Variants in CSMD2 observed in about 807,000 individuals in gnomAD.
The protein encoded by CSMD2 is CUB and Sushi multiple domains 2.
CSMD2 carries 130 observed loss-of-function variants against 398.5 expected under a neutral mutation model. The observed-to-expected ratio is 0.33, with a 90% CI of 0.28 to 0.38. The LOEUF (loss-of-function observed/expected upper bound fraction) is 0.38. Ranked by LOEUF, CSMD2 falls within the 10% of genes least tolerant of loss-of-function variation. The pLI, the probability that CSMD2 is intolerant of heterozygous loss-of-function variation, is 1.00. For missense variants in CSMD2, 3,829 were observed against 4,764.9 expected, an observed-to-expected ratio of 0.80 and a Z score of 5.78; for synonymous variants, 1,828 against 1,908.5, an observed-to-expected ratio of 0.96 and a Z score of 1.10.
At chr1:34,063,007 G>C in intron 2 of CSMD2, among the ~76,000 whole-genome samples, 2 of 152,238 alleles carry the variant, frequency 1.3e-5, no homozygotes, top group South Asian at 4.2e-4. Context: ...TAAAAGTGAG[G>C]AAGATGCAAA....
intron 1 of CSMD2, among the ~76,000 whole-genome samples, chr1:34,161,072 A>G (rs1245523949): frequency 2.0e-5 from 3 of 152,190 alleles, no homozygotes; most frequent in Non-Finnish European, 1.5e-5. Context: ...AGGATATGAA[A>G]CTGACAGAAT....
intron 1 of CSMD2, among the ~76,000 whole-genome samples, chr1:34,134,991 C>T (rs1638570245): frequency 6.6e-6 from 1 of 152,156 alleles, no homozygotes; most frequent in South Asian, 2.1e-4. Context: ...ATACTCAGAT[C>T]TCATCCCAAA....
intron 44 of CSMD2, chr1:33,592,638 T>A (rs546756990): frequency 1.5e-6 from 1 of 651,302 alleles, no homozygotes; most frequent in Non-Finnish European, 2.8e-6. Context: ...ACCTTCCTAA[T>A]TGGATAATCA....
intron 12 of CSMD2, among the ~76,000 whole-genome samples, chr1:33,782,431 A>G (rs1040650949): frequency 6.6e-6 from 1 of 152,186 alleles, no homozygotes; most frequent in Non-Finnish European, 1.5e-5. Context: ...GAGACCCTGG[A>G]AAGATAACCA....
At chr1:33,649,400 T>G (rs191504729) in intron 28 of CSMD2, among the ~76,000 whole-genome samples, 77 of 152,314 alleles carry the variant, frequency 5.1e-4, no homozygotes, top group Admixed American at 1.5e-3. Flanking sequence ...TCTCAGCACT[T>G]TGGGAGGCCA....
chr1:33,762,317 AG>A (rs34994606), intron 13 of CSMD2, among the ~76,000 whole-genome samples: 4,787 of 152,334 alleles, frequency 0.031, 105 homozygotes, highest in African/African-American at 0.056. Flanking sequence ...GGCAGAGCAC[AG>A]TGGAGAATGC....
At chr1:33,732,735 C>T (rs1646761611) in intron 15 of CSMD2, among the ~76,000 whole-genome samples, 1 of 152,138 alleles carries the variant, frequency 6.6e-6, no homozygotes, top group Non-Finnish European at 1.5e-5. Context: ...AGGGATGAGC[C>T]ACTTCTCCTG....
chr1:33,826,265 G>A (rs1658804269), intron 6 of CSMD2, among the ~76,000 whole-genome samples: 1 of 152,214 alleles, frequency 6.6e-6, no homozygotes, highest in African/African-American at 2.4e-5. Flanking sequence ...CATTTGCAAT[G>A]TGATTTTTTA....
chr1:33,660,951 G>T (rs547282780), intron 26 of CSMD2, among the ~76,000 whole-genome samples: 1 of 152,298 alleles, frequency 6.6e-6, no homozygotes, highest in East Asian at 1.9e-4. Context: ...TAGAAGTAAA[G>T]TGCCAGGGTG....
chr1:34,008,363 A>T (rs1413843973), intron 3 of CSMD2, among the ~76,000 whole-genome samples: 1 of 152,260 alleles, frequency 6.6e-6, no homozygotes, highest in African/African-American at 2.4e-5. Context: ...GGACTTTAAC[A>T]TCGGGTTTTC....
chr1:33,603,258 C>T (rs1032144697), intron 42 of CSMD2, among the ~76,000 whole-genome samples: 1 of 152,126 alleles, frequency 6.6e-6, no homozygotes, highest in Non-Finnish European at 1.5e-5. Flanking sequence ...TCCTGTTCCC[C>T]AAAAGCAATA....
chr1:33,677,706 C>A (rs1644764395), intron 25 of CSMD2, among the ~76,000 whole-genome samples: 1 of 151,900 alleles, frequency 6.6e-6, no homozygotes, highest in South Asian at 2.1e-4. Context: ...TTGGAACCAA[C>A]CCAGATGTCC....
chr1:34,161,146 G>A (rs1200634638), intron 1 of CSMD2, among the ~76,000 whole-genome samples: 2 of 152,140 alleles, frequency 1.3e-5, no homozygotes, highest in East Asian at 3.8e-4. Context: ...TCCATAACTG[G>A]GAGGCTACAG....
chr1:34,107,201 G>A (rs1660605218), intron 1 of CSMD2, among the ~76,000 whole-genome samples: 1 of 152,152 alleles, frequency 6.6e-6, no homozygotes, highest in African/African-American at 2.4e-5. Context: ...CTGAGCTATG[G>A]CTTTGGTCCA....
intron 12 of CSMD2, among the ~76,000 whole-genome samples, chr1:33,783,396 G>A (rs1569909730): frequency 6.6e-6 from 1 of 151,242 alleles, no homozygotes; most frequent in Admixed American, 6.6e-5. Context: ...GAGGATGGAT[G>A]TCTAAGAAGA....
At chr1:33,971,098 T>C (rs968480010) in intron 3 of CSMD2, among the ~76,000 whole-genome samples, 5 of 152,174 alleles carry the variant, frequency 3.3e-5, no homozygotes, top group African/African-American at 1.2e-4. Flanking sequence ...ATGGCAGCCC[T>C]TGCGGTGTCT....
intron 7 of CSMD2, 135 bp downstream of exon 7, chr1:33,825,562 C>T (rs775774161): frequency 1.6e-4 from 131 of 794,676 alleles, no homozygotes; most frequent in Admixed American, 3.3e-4. Flanking sequence ...TGTGTCCAAG[C>T]GCAGAGCCCA....
At chr1:33,862,378 T>TGTGTGTGTGC (rs1639596254) in intron 5 of CSMD2, 2 of 152,544 alleles carry the variant, frequency 1.3e-5, no homozygotes, top group Non-Finnish European at 2.9e-5. Context: ...TGTGTGTGTG[T>TGTGTGTGTGC]GTGTGTGTGT....
chr1:33,840,723 C>T (rs1660765245), intron 6 of CSMD2, among the ~76,000 whole-genome samples: 1 of 152,226 alleles, frequency 6.6e-6, no homozygotes, highest in African/African-American at 2.4e-5. Context: ...AACAGGCTCA[C>T]TCTGGACTGA....
Sources: allele counts gnomAD v4.1 joint callset (sites outside exome capture counted in the v4.1 genomes callset), GRCh38; gene constraint gnomAD v4.1.1; transcripts MANE v1.5; gene names NCBI Gene and HGNC (gene_info 2026-07-23, HGNC 2026-07-21).